EPN2: variants seen among roughly 807,000 people sequenced by gnomAD.
EPN2 encodes the protein epsin-2.
In EPN2, 34 loss-of-function variants were observed where a neutral mutation model predicts 61.7. The observed-to-expected ratio is 0.55, with a 90% CI of 0.42 to 0.73. EPN2 has a LOEUF of 0.73. EPN2 is among the 30% of genes least tolerant of loss of function. EPN2 has a pLI of 0.00. For missense variants in EPN2, 714 were observed against 839.2 expected (o/e 0.85, Z 1.84); for synonymous variants, 349 against 353.6 (o/e 0.99, Z 0.15).
At chr17:19,332,426 T>C (rs1282055350) in intron 10 of EPN2, among the ~76,000 whole-genome samples, 1 of 152,016 alleles carries the variant, frequency 6.6e-6, no homozygotes, top group African/African-American at 2.4e-5. Flanking sequence ...GGGTTTGGCG[T>C]GTAGCATTCC....
At chr17:19,278,345 G>T (rs983295381) in intron 1 of EPN2, among the ~76,000 whole-genome samples, 1 of 152,116 alleles carries the variant, frequency 6.6e-6, no homozygotes, top group African/African-American at 2.4e-5. Context: ...AGAAAAGGAG[G>T]TTTAATTGGA....
At chr17:19,322,209 A>T (rs1906669796) in intron 7 of EPN2, among the ~76,000 whole-genome samples, 1 of 152,200 alleles carries the variant, frequency 6.6e-6, no homozygotes, top group Admixed American at 6.5e-5. Flanking sequence ...CTGGGGCAGT[A>T]GCAGGAGAAG....
chr17:19,314,879 A>G (rs1458974796), intron 7 of EPN2, among the ~76,000 whole-genome samples: 1 of 152,228 alleles, frequency 6.6e-6, no homozygotes, highest in Non-Finnish European at 1.5e-5. Flanking sequence ...CTTTGGCTTT[A>G]TTTTTAAATC....
intron 10 of EPN2, 125 bp downstream of exon 10, chr17:19,332,193 T>A: frequency 1.4e-6 from 1 of 717,998 alleles, no homozygotes; most frequent in Non-Finnish European, 2.3e-6. Flanking sequence ...AATCTCTAGA[T>A]GATTACGTAT....
intron 4 of EPN2, among the ~76,000 whole-genome samples, chr17:19,289,074 G>GTTTTT (rs1162172422): frequency 1.6e-4 from 11 of 68,688 alleles, no homozygotes; most frequent in South Asian, 6.7e-4. Context: ...TTCTGGGTAT[G>GTTTTT]TTTTTTTTTT....
chr17:19,239,655 G>A (rs984191766), intron 1 of EPN2, among the ~76,000 whole-genome samples: 2 of 152,202 alleles, frequency 1.3e-5, no homozygotes, highest in Non-Finnish European at 2.9e-5. Context: ...ACAAGTCCCC[G>A]GACCAGGAGC....
chr17:19,310,394 C>A (rs570529738), intron 5 of EPN2, among the ~76,000 whole-genome samples: 2 of 152,052 alleles, frequency 1.3e-5, no homozygotes, highest in Non-Finnish European at 2.9e-5. Flanking sequence ...GCCCAGCCCC[C>A]GCCAAGCACT....
intron 4 of EPN2, among the ~76,000 whole-genome samples, chr17:19,287,254 C>T (rs1194024254): frequency 1.3e-5 from 2 of 152,068 alleles, no homozygotes; most frequent in Non-Finnish European, 2.9e-5. Flanking sequence ...CCCTGTTCCC[C>T]CAACCTGGCA....
intron 1 of EPN2, among the ~76,000 whole-genome samples, chr17:19,240,386 C>T (rs571461094): frequency 6.6e-6 from 1 of 152,286 alleles, no homozygotes; most frequent in Admixed American, 6.5e-5. Context: ...GCTGGGACTA[C>T]AGGCGTGTGC....
intron 7 of EPN2, among the ~76,000 whole-genome samples, chr17:19,320,539 A>T (rs1357471534): frequency 6.6e-6 from 1 of 152,154 alleles, no homozygotes; most frequent in Non-Finnish European, 1.5e-5. Flanking sequence ...TCATCTCAGT[A>T]GCTTCTAAAA....
intron 4 of EPN2, among the ~76,000 whole-genome samples, chr17:19,294,165 C>T (rs1401261951): frequency 6.6e-6 from 1 of 151,894 alleles, no homozygotes; most frequent in Non-Finnish European, 1.5e-5. Flanking sequence ...TGCCTGTAAT[C>T]CTAGCACTTC....
At chr17:19,305,439 T>TTTTTGTAC (rs1905790153) in intron 4 of EPN2, among the ~76,000 whole-genome samples, 1 of 152,160 alleles carries the variant, frequency 6.6e-6, no homozygotes, top group Non-Finnish European at 1.5e-5. Context: ...ACATTTGTGT[T>TTTTTGTAC]TTTTGTACTT....
rs75277554 is a variant in EPN2, at chr17:19,333,415, C to T, written c.1628-541C>T. ...TGCATGGGAGAGTTGGTGCCAGCAG[C>T]GCACACACTTTTGCAAAGAAAAGGC... On this transcript the variant is annotated intron_variant, in intron 10 of 10. Coordinates refer to ENST00000314728, the MANE Select transcript of EPN2 (RefSeq NM_014964.5). 1.6e-3 allele frequency among the ~76,000 whole-genome samples: 247 copies of T among 152,296 alleles called. 5 individuals are homozygous for T. The East Asian group carries it at 0.044, about 27-fold the overall frequency.
chr17:19,262,986 A>G (rs554972785), intron 1 of EPN2, among the ~76,000 whole-genome samples: 13 of 152,210 alleles, frequency 8.5e-5, no homozygotes, highest in Non-Finnish European at 1.5e-4. Flanking sequence ...CTGTTCATCA[A>G]TTGGACAAAG....
At chr17:19,278,085 AAG>A (rs1491540238) in intron 1 of EPN2, among the ~76,000 whole-genome samples, 3 of 151,514 alleles carry the variant, frequency 2.0e-5, no homozygotes, top group East Asian at 1.9e-4. Context: ...AAAAAAAAAA[AAG>A]AAAATGAAAA....
intron 4 of EPN2, among the ~76,000 whole-genome samples, chr17:19,304,662 T>G (rs1905734771): frequency 6.6e-6 from 1 of 152,210 alleles, no homozygotes; most frequent in Admixed American, 6.5e-5. Flanking sequence ...GACCCCTTGG[T>G]AGGTCAGTTG....
chr17:19,278,410 C>T (rs2045329482), intron 1 of EPN2, among the ~76,000 whole-genome samples: 2 of 152,138 alleles, frequency 1.3e-5, no homozygotes, highest in South Asian at 4.1e-4. Context: ...AGGTGAAAGG[C>T]ACTTCTTACA....
At chr17:19,328,580 C>T in intron 7 of EPN2, 131 bp from the exon 8 acceptor site, 1 of 830,126 alleles carries the variant, frequency 1.2e-6, no homozygotes. Flanking sequence ...GGGACAGTAC[C>T]CTTTTGATGG....
At chr17:19,253,912 A>G (rs1222061567) in intron 1 of EPN2, among the ~76,000 whole-genome samples, 2 of 152,146 alleles carry the variant, frequency 1.3e-5, no homozygotes, top group Non-Finnish European at 2.9e-5. Flanking sequence ...AGGCAGGATC[A>G]CTTGAGGTCA....
Sources: allele counts gnomAD v4.1 joint callset (sites outside exome capture counted in the v4.1 genomes callset), GRCh38; gene constraint gnomAD v4.1.1; transcripts MANE v1.5; gene names NCBI Gene and HGNC (gene_info 2026-07-23, HGNC 2026-07-21).